LMNTD1: variants seen among roughly 807,000 people sequenced by gnomAD.
The protein encoded by LMNTD1 is lamin tail domain containing 1.
In LMNTD1, 35 loss-of-function variants were observed where a neutral mutation model predicts 50.9. The observed-to-expected ratio is 0.69, with a 90% CI of 0.53 to 0.91. LMNTD1 has a LOEUF of 0.91. LMNTD1 is among the 40% of genes least tolerant of loss of function. LMNTD1 has a pLI of 0.00. For missense variants in LMNTD1, 470 were observed against 475.5 expected, an observed-to-expected ratio of 0.99 and a Z score of 0.11; for synonymous variants, 153 against 161.9, an observed-to-expected ratio of 0.94 and a Z score of 0.42.
At chr12:25,633,912 A>C (rs1229217367) in intron 1 of LMNTD1, among the ~76,000 whole-genome samples, 1 of 152,220 alleles carries the variant, frequency 6.6e-6, no homozygotes, top group Non-Finnish European at 1.5e-5. Flanking sequence ...TGAAAAGATA[A>C]ATAAAATTGA....
chr12:25,502,612 G>T lies in LMNTD1; in HGVS notation c.*22+1126C>A, dbSNP rs187346450. ...ACCTCTTCAGACTGCAGTTTCTTTT[G>T]CCCTAAAGGAAAATGGTTGGATAAG... On this transcript the variant is annotated intron_variant, in intron 9 of 9. Transcript: ENST00000458174. Among the ~76,000 whole-genome samples the T allele has an allele frequency of 2.8e-4, 42 of 152,294 alleles. 1 individual carries two copies. The highest frequency in any genetic ancestry group is 8.2e-4 in the African/African-American group (34 of 41,570).
chr12:25,584,793 G>A lies in LMNTD1; in HGVS notation c.59-38239C>T, dbSNP rs78822836. Among the ~76,000 whole-genome samples, 1,347 of 151,462 alleles carry A rather than the reference G, an allele frequency of 8.9e-3. 23 individuals are homozygous for A. The highest frequency in any genetic ancestry group is 0.064 in the East Asian group (331 of 5,182). ...TTTGCATTTGTTTTCTTTTGGCCAC[G>A]TGGAAAATTTTCATCATAGACTGGG... On this transcript the variant is annotated intron_variant, in intron 1 of 7. Transcript: ENST00000445693.
chr12:25,556,677 T>C (rs1343952056), upstream of LMNTD1, among the ~76,000 whole-genome samples: 3 of 152,042 alleles, frequency 2.0e-5, no homozygotes, highest in African/African-American at 7.2e-5. Flanking sequence ...CCCATAAGAG[T>C]AGATGTGGGT....
At chr12:25,527,137 AT>A (rs1941780514) in intron 4 of LMNTD1, among the ~76,000 whole-genome samples, 182 bp from the exon 5 acceptor site, 1 of 152,130 alleles carries the variant, frequency 6.6e-6, no homozygotes, top group Non-Finnish European at 1.5e-5. Context: ...TTTTAGTTCT[AT>A]TTCTTTATCT....
chr12:25,518,559 T>A (rs967610330), intron 8 of LMNTD1, among the ~76,000 whole-genome samples: 1 of 152,226 alleles, frequency 6.6e-6, no homozygotes, highest in East Asian at 1.9e-4. Flanking sequence ...TTTTAATTCA[T>A]TGATTCATTC....
chr12:25,580,037 T>G (rs983475261), intron 1 of LMNTD1, among the ~76,000 whole-genome samples: 2 of 152,184 alleles, frequency 1.3e-5, no homozygotes, highest in Non-Finnish European at 2.9e-5. Context: ...CATTATCATG[T>G]GCAACTACTC....
upstream of LMNTD1, among the ~76,000 whole-genome samples, chr12:25,556,380 T>A (rs1944044021): frequency 6.6e-6 from 1 of 152,210 alleles, no homozygotes; most frequent in South Asian, 2.1e-4. Flanking sequence ...CTTCCAAGCT[T>A]ATACAGCCAG....
intron 9 of LMNTD1, among the ~76,000 whole-genome samples, chr12:25,486,292 A>G (rs1384540430): frequency 2.7e-5 from 4 of 148,302 alleles, no homozygotes; most frequent in Admixed American, 1.4e-4. Context: ...TTCACTCATG[A>G]TTTGGCTCTC....
intron 1 of LMNTD1, among the ~76,000 whole-genome samples, chr12:25,603,378 C>G (rs1168932269): frequency 6.6e-6 from 1 of 152,048 alleles, no homozygotes; most frequent in Non-Finnish European, 1.5e-5. Flanking sequence ...TACTACTGAT[C>G]AGCATGGGAG....
intron 1 of LMNTD1, among the ~76,000 whole-genome samples, chr12:25,637,410 G>A (rs1946859154): frequency 6.6e-6 from 1 of 152,074 alleles, no homozygotes; most frequent in South Asian, 2.1e-4. Flanking sequence ...TACCCATTAA[G>A]AAATAACATT....
intron 1 of LMNTD1, among the ~76,000 whole-genome samples, chr12:25,646,055 T>G (rs551344485): frequency 6.6e-6 from 1 of 152,272 alleles, no homozygotes; most frequent in African/African-American, 2.4e-5. Flanking sequence ...ATTCTGATGA[T>G]AGGATTGAAG....
At chr12:25,510,984 A>G (rs1371462161) in intron 8 of LMNTD1, among the ~76,000 whole-genome samples, 1 of 152,174 alleles carries the variant, frequency 6.6e-6, no homozygotes, top group Non-Finnish European at 1.5e-5. Context: ...AGGAGCAAAA[A>G]ACTCATTTGG....
At chr12:25,501,071 C>G (rs1939361678) in intron 9 of LMNTD1, among the ~76,000 whole-genome samples, 1 of 152,142 alleles carries the variant, frequency 6.6e-6, no homozygotes. Flanking sequence ...CTCACTGCAG[C>G]CTCCACCTTC....
At chr12:25,632,831 T>C (rs778038613) in intron 1 of LMNTD1, among the ~76,000 whole-genome samples, 1 of 152,108 alleles carries the variant, frequency 6.6e-6, no homozygotes, top group Non-Finnish European at 1.5e-5. Flanking sequence ...AATACTAACA[T>C]TGAATGTAAA....
At chr12:25,495,753 C>T (rs1939041039) in intron 9 of LMNTD1, among the ~76,000 whole-genome samples, 1 of 152,140 alleles carries the variant, frequency 6.6e-6, no homozygotes, top group Non-Finnish European at 1.5e-5. Flanking sequence ...CTAGACAGTT[C>T]CTGAGCAGCA....
intron 8 of LMNTD1, among the ~76,000 whole-genome samples, chr12:25,515,723 A>C (rs544499747): frequency 5.3e-5 from 8 of 152,216 alleles, no homozygotes; most frequent in Non-Finnish European, 8.8e-5. Context: ...CAGTGTGTAG[A>C]TGTTTCTTTA....
At chr12:25,508,001 G>A (rs1939944408) in intron 8 of LMNTD1, among the ~76,000 whole-genome samples, 1 of 151,408 alleles carries the variant, frequency 6.6e-6, no homozygotes, top group South Asian at 2.1e-4. Context: ...TTCATTTTGA[G>A]TTCATCAACG....
At chr12:25,629,313 A>G (rs1946663396) in intron 1 of LMNTD1, among the ~76,000 whole-genome samples, 1 of 152,172 alleles carries the variant, frequency 6.6e-6, no homozygotes, top group African/African-American at 2.4e-5. Flanking sequence ...CTTACTGCAG[A>G]AACTCTACTT....
chr12:25,526,108 C>G lies in LMNTD1; in HGVS notation c.789G>C (p.Pro263=). 6.4e-7 allele frequency: 1 copy of G among 1,570,920 alleles called. No individual in the cohort carries two copies. The highest frequency in any genetic ancestry group is 1.4e-5 in the African/African-American group (1 of 72,332). Residue 263 remains proline, a synonymous_variant, in exon 6 of 10, where the codon CCG becomes CCC. Coordinates refer to ENST00000458174, the MANE Select transcript of LMNTD1 (RefSeq NM_001145728.2). ...AGAACCAGAAACTAACTTGACCGTT[C>G]GGTTTGCACAGGATTGTTATACAAT... is the stretch of plus-strand genomic sequence containing the variant. ...SPDCITILCK[P]NGQAIAWYTP...
Sources: gnomAD v4.1 joint callset for allele counts (sites outside exome capture counted in the v4.1 genomes callset) on GRCh38, gnomAD v4.1.1 for gene constraint, MANE v1.5 for transcripts, NCBI Gene and HGNC (gene_info 2026-07-23, HGNC 2026-07-21) for gene names.